Variants in MPHOSPH8 observed in about 807,000 individuals in gnomAD.
MPHOSPH8 encodes the protein M-phase phosphoprotein, mpp.
MPHOSPH8 carries 45 observed loss-of-function variants against 87.3 expected under a neutral mutation model. The ratio of observed to expected loss-of-function variants is 0.52; its 90% CI spans 0.41 to 0.66. The LOEUF (loss-of-function observed/expected upper bound fraction) is 0.66, where lower values mean the gene tolerates loss of function less well. MPHOSPH8 is among the 30% of genes least tolerant of loss of function. The pLI is 0.00. For synonymous variants in MPHOSPH8, 366 were observed against 376.9 expected (o/e 0.97, Z 0.33); for missense variants, 883 against 1,020.2 (o/e 0.87, Z 1.83).
intron 10 of MPHOSPH8, among the ~76,000 whole-genome samples, chr13:19,667,182 A>G (rs539326406): frequency 6.6e-6 from 1 of 152,300 alleles, no homozygotes; most frequent in East Asian, 1.9e-4. Context: ...CACCAAAAAA[A>G]GAAAGAAACT....
chr13:19,663,499 G>A (rs1875659447), intron 9 of MPHOSPH8, among the ~76,000 whole-genome samples: 1 of 152,240 alleles, frequency 6.6e-6, no homozygotes, highest in South Asian at 2.1e-4. Context: ...GGAGGCTGCT[G>A]GCCTCGAAAG....
chr13:19,635,046 G>T (rs1337772396), intron 1 of MPHOSPH8, among the ~76,000 whole-genome samples: 1 of 152,226 alleles, frequency 6.6e-6, no homozygotes, highest in East Asian at 1.9e-4. Flanking sequence ...CCTATGAGGA[G>T]TTAAGTAATT....
At chr13:19,635,924 T>C (rs563995391) in intron 1 of MPHOSPH8, among the ~76,000 whole-genome samples, 3 of 151,902 alleles carry the variant, frequency 2.0e-5, no homozygotes, top group South Asian at 4.2e-4. Context: ...TGAGTGAGTC[T>C]CAATCTGGTG....
chr13:19,642,625 C>A (rs1874359428), intron 2 of MPHOSPH8, among the ~76,000 whole-genome samples: 1 of 151,660 alleles, frequency 6.6e-6, no homozygotes, highest in Non-Finnish European at 1.5e-5. Flanking sequence ...GCATTATTAA[C>A]TATGTCTTAT....
rs1431724735 is a variant in MPHOSPH8, at chr13:19,633,940, C to T, written c.192C>T (p.Ile64=). The T allele has an allele frequency of 1.2e-6, 2 of 1,609,820 alleles. No individual in the cohort carries two copies. Among genetic ancestry groups the T allele is most frequent in the South Asian group, 1.1e-5 (1 of 89,912 alleles). Residue 64 remains isoleucine, a synonymous_variant, in exon 1 of 14, where the codon ATC becomes ATT. Transcript: ENST00000361479. ...AGGATGTGTTCGAGGTGGAGAAGAT[C>T]CTGGACATGAAGACCGAGGGGGTAT... ...DGEDVFEVEK[I]LDMKTEGGKV... is the part of the protein sequence containing the mutation.
chr13:19,637,897 T>C lies in MPHOSPH8; in HGVS notation c.213+3936T>C, dbSNP rs530635855. Among the ~76,000 whole-genome samples the C allele has an allele frequency of 2.2e-3, 339 of 151,104 alleles. 1 individual carries two copies. The highest frequency in any genetic ancestry group is 8.1e-3 in the African/African-American group (335 of 41,220). On this transcript the variant is annotated intron_variant, in intron 1 of 13. Coordinates refer to ENST00000361479, the MANE Select transcript of MPHOSPH8 (RefSeq NM_017520.4). Reference sequence around the variant, plus strand: ...CAGGCGGATCACGAAGTCAAGAGATTGAGACCATCCTGGCTAACATGGTGA... The same window carrying C: ...CAGGCGGATCACGAAGTCAAGAGATCGAGACCATCCTGGCTAACATGGTGA...
chr13:19,670,395 T>C (rs1876059110), intron 12 of MPHOSPH8, 32 bp downstream of exon 12: 4 of 1,599,528 alleles, frequency 2.5e-6, no homozygotes, highest in Admixed American at 1.7e-5. Flanking sequence ...TACTGAAAAG[T>C]ACATTCTTCT....
At chr13:19,661,152 A>G (rs767097219) in intron 7 of MPHOSPH8, 4 of 178,096 alleles carry the variant, frequency 2.2e-5, no homozygotes, top group Non-Finnish European at 4.4e-5. Flanking sequence ...CCTTGGAGAT[A>G]TTGTGGGTTT....
intron 5 of MPHOSPH8, 44 bp downstream of exon 5, chr13:19,650,304 C>A: frequency 6.3e-7 from 1 of 1,582,962 alleles, no homozygotes; most frequent in Non-Finnish European, 8.6e-7. Flanking sequence ...GGTAGTGCAC[C>A]ATATTATTTT....
chr13:19,665,867 C>T (rs941208718), intron 9 of MPHOSPH8, among the ~76,000 whole-genome samples: 2 of 152,204 alleles, frequency 1.3e-5, no homozygotes, highest in Admixed American at 1.3e-4. Flanking sequence ...TGCCACAGCT[C>T]CATCGTACAT....
intron 1 of MPHOSPH8, among the ~76,000 whole-genome samples, chr13:19,641,038 T>C (rs762590949): frequency 2.0e-4 from 31 of 152,252 alleles, no homozygotes; most frequent in Non-Finnish European, 8.8e-5. Context: ...GTTCTTCCTA[T>C]CTTTTCTATT....
chr13:19,658,853 A>G (rs1462632800), intron 5 of MPHOSPH8, 142 bp from the exon 6 acceptor site: 9 of 1,022,310 alleles, frequency 8.8e-6, no homozygotes, highest in African/African-American at 1.6e-5. Flanking sequence ...GATTTTATCA[A>G]TTAAAAGACC....
At chr13:19,649,847 C>T (rs1316290447) in intron 4 of MPHOSPH8, among the ~76,000 whole-genome samples, 156 bp from the exon 5 acceptor site, 1 of 152,190 alleles carries the variant, frequency 6.6e-6, no homozygotes, top group Non-Finnish European at 1.5e-5. Context: ...GATTTTGTGG[C>T]TTTGACAGTA....
chr13:19,650,175 A>G lies in MPHOSPH8; in HGVS notation c.1491A>G (p.Arg497=). ...KQSLKERRNT[R]DETDTWAYIA... ...CACTTAAAGAAAGGAGAAACACCAG[A>G]GACGAAACGGATACTTGGGCATACA... Residue 497 remains arginine (R), a synonymous_variant, in exon 5 of 14, where the codon AGA becomes AGG. Transcript: ENST00000361479. 6.2e-7 allele frequency: 1 copy of G among 1,614,212 alleles called. No homozygotes were observed. Among genetic ancestry groups the G allele is most frequent in the South Asian group, 1.1e-5 (1 of 91,092 alleles).
At chr13:19,636,423 T>C (rs910386058) in intron 1 of MPHOSPH8, among the ~76,000 whole-genome samples, 2 of 152,206 alleles carry the variant, frequency 1.3e-5, no homozygotes, top group Admixed American at 1.3e-4. Flanking sequence ...CAAATCATTA[T>C]TTATAATTTA....
intron 5 of MPHOSPH8, among the ~76,000 whole-genome samples, chr13:19,652,344 C>T (rs948618469): frequency 6.6e-6 from 1 of 152,150 alleles, no homozygotes; most frequent in Admixed American, 6.5e-5. Flanking sequence ...AACTCCCTCC[C>T]CTAGCCAAGG....
At chr13:19,669,529 T>C (rs1316464407) in intron 11 of MPHOSPH8, among the ~76,000 whole-genome samples, 4 of 150,036 alleles carry the variant, frequency 2.7e-5, no homozygotes, top group African/African-American at 9.8e-5. Flanking sequence ...TTTTTTTTTT[T>C]CAGGAGTCTC....
chr13:19,652,352 A>G (rs1874898192), intron 5 of MPHOSPH8, among the ~76,000 whole-genome samples: 1 of 152,124 alleles, frequency 6.6e-6, no homozygotes, highest in South Asian at 2.1e-4. Context: ...CCCCTAGCCA[A>G]GGGAATCTCT....
chr13:19,664,231 T>A (rs1875700238), intron 9 of MPHOSPH8, among the ~76,000 whole-genome samples: 1 of 152,218 alleles, frequency 6.6e-6, no homozygotes, highest in Admixed American at 6.5e-5. Flanking sequence ...TTTTGGTTCA[T>A]GGAAATGTTC....
Sources: gnomAD v4.1 joint callset for allele counts (sites outside exome capture counted in the v4.1 genomes callset) on GRCh38, gnomAD v4.1.1 for gene constraint, MANE v1.5 for transcripts, NCBI Gene and HGNC (gene_info 2026-07-23, HGNC 2026-07-21) for gene names.